Variants in VAV1 observed in about 807,000 individuals in gnomAD.
VAV1 encodes the protein vav guanine nucleotide exchange factor 1.
A neutral mutation model predicts 128.1 loss-of-function variants in VAV1; 33 were observed. That is an observed-to-expected ratio of 0.26 (90% confidence interval 0.20 to 0.34). The LOEUF is 0.34. Ranked by LOEUF, VAV1 falls within the 10% of genes least tolerant of loss-of-function variation. The pLI is 1.00. For synonymous variants in VAV1, 394 were observed against 409.8 expected, an observed-to-expected ratio of 0.96 and a Z score of 0.47; for missense variants, 715 against 1,093.7, an observed-to-expected ratio of 0.65 and a Z score of 4.88.
chr19:6,856,928 T>C, intron 26 of VAV1, 126 bp from the exon 27 acceptor site: 1 of 762,834 alleles, frequency 1.3e-6, no homozygotes, highest in Non-Finnish European at 2.3e-6. Context: ...TGATGTGTTT[T>C]CTGGGATAGA....
At chr19:6,851,486 A>G (rs769490230) in intron 24 of VAV1, among the ~76,000 whole-genome samples, 2 of 152,040 alleles carry the variant, frequency 1.3e-5, no homozygotes, top group South Asian at 2.1e-4. Flanking sequence ...TCAGCCCTCA[A>G]ATATGTTATA....
At position 6,828,520 on chromosome 19, in the gene VAV1, G is replaced by C; in HGVS notation, c.1092+33G>C. On this transcript the variant is annotated intron_variant, in intron 11 of 26. Coordinates refer to ENST00000602142, the MANE Select transcript of VAV1 (RefSeq NM_005428.4). The surrounding 1 kb of genome is among the most constrained non-coding windows in gnomAD (Gnocchi z 4.5). ...GGTGTAGGGTGCTGGTGACTCACCT[G>C]CTGCAGACACCCTCCTGGTAGGGGC... 6 of 1,613,958 alleles carry C rather than the reference G, an allele frequency of 3.7e-6. No individual in the cohort carries two copies. Among genetic ancestry groups the C allele is most frequent in the South Asian group, 1.1e-5 (1 of 91,082 alleles).
intron 20 of VAV1, 132 bp downstream of exon 20, chr19:6,836,700 C>T: frequency 7.2e-7 from 1 of 1,391,308 alleles, no homozygotes; most frequent in Non-Finnish European, 9.7e-7. Context: ...GGTAGGTAGA[C>T]TGAGACTTCT....
chr19:6,829,886 G>A lies in VAV1; in HGVS notation c.1366G>A (p.Asp456Asn). The change falls in exon 14 of 27, where the codon GAT (aspartate) becomes AAT (asparagine). Residue 456 changes from aspartate to asparagine, a missense_variant. This residue lies in a region of VAV1 where 407 missense variants were observed against 580.6 expected (regional missense o/e 0.70). Coordinates refer to ENST00000602142, the MANE Select transcript of VAV1 (RefSeq NM_005428.4). ...AAACCTGCACAGCTTCCAGGTTCGG[G>A]ATGACTCTTCAGGAGACCGAGACAA... ...FVNLHSFQVR[D>N]DSSGDRDNKK... 6.2e-7 allele frequency: 1 copy of A among 1,614,182 alleles called. No individual in the cohort carries two copies. Among genetic ancestry groups the A allele is most frequent in the Non-Finnish European group, 8.5e-7 (1 of 1,180,042 alleles).
At chr19:6,833,353 C>G (rs1282541160) in intron 16 of VAV1, 68 bp downstream of exon 16, 14 of 1,499,806 alleles carry the variant, frequency 9.3e-6, no homozygotes, top group Middle Eastern at 1.8e-4. Flanking sequence ...AGAAGATGGC[C>G]TAGTAATTGG....
chr19:6,776,162 ATCCATCC>A (rs1970621044), intron 1 of VAV1, among the ~76,000 whole-genome samples: 1 of 2,038 alleles, frequency 4.9e-4, no homozygotes, highest in South Asian at 0.045. Context: ...CTATCCACCC[ATCCATCC>A]ATCCATCCAT....
At chr19:6,795,123 C>T (rs1971101957) in intron 1 of VAV1, among the ~76,000 whole-genome samples, 1 of 152,160 alleles carries the variant, frequency 6.6e-6, no homozygotes, top group South Asian at 2.1e-4. Flanking sequence ...GGAAATCACG[C>T]AGTGTCACTT....
At chr19:6,785,801 A>G (rs1970879098) in intron 1 of VAV1, among the ~76,000 whole-genome samples, 1 of 151,680 alleles carries the variant, frequency 6.6e-6, no homozygotes, top group African/African-American at 2.4e-5. Flanking sequence ...CCAGGATTAT[A>G]GGGACGCACC....
chr19:6,832,335 A>G (rs537489629), intron 15 of VAV1, 135 bp downstream of exon 15: 2 of 815,490 alleles, frequency 2.5e-6, no homozygotes, highest in East Asian at 5.4e-5. Context: ...TTTGGGAAAT[A>G]AGAGGGACAG....
chr19:6,807,365 G>A (rs570161139), intron 1 of VAV1, among the ~76,000 whole-genome samples: 20 of 152,016 alleles, frequency 1.3e-4, no homozygotes, highest in African/African-American at 3.9e-4. Context: ...GATAAGGAGC[G>A]CACAAGGTAG....
At chr19:6,855,373 G>A (rs1417796475) in intron 26 of VAV1, among the ~76,000 whole-genome samples, 1 of 152,052 alleles carries the variant, frequency 6.6e-6, no homozygotes, top group East Asian at 1.9e-4. Context: ...GGATGTAAAG[G>A]ATTCATCCAT....
At chr19:6,855,281 A>G (rs1972762965) in intron 26 of VAV1, among the ~76,000 whole-genome samples, 1 of 152,244 alleles carries the variant, frequency 6.6e-6, no homozygotes, top group Admixed American at 6.5e-5. Flanking sequence ...GAGTTTTGTT[A>G]AAACATTGGA....
At chr19:6,784,803 T>C (rs942695277) in intron 1 of VAV1, among the ~76,000 whole-genome samples, 3 of 151,990 alleles carry the variant, frequency 2.0e-5, no homozygotes, top group African/African-American at 7.2e-5. Context: ...CTCCATTCTA[T>C]TCTATTCACT....
intron 22 of VAV1, among the ~76,000 whole-genome samples, chr19:6,844,405 C>T (rs995889029): frequency 4.6e-5 from 7 of 152,012 alleles, no homozygotes; most frequent in Admixed American, 6.6e-5. Context: ...TCAGTAAAGA[C>T]AGAGTTTCAC....
intron 1 of VAV1, among the ~76,000 whole-genome samples, chr19:6,780,031 A>C (rs1970732119): frequency 6.7e-6 from 1 of 148,394 alleles, no homozygotes; most frequent in Non-Finnish European, 1.5e-5. Flanking sequence ...GAATGGCATG[A>C]ACCTGGGAGG....
intron 21 of VAV1, among the ~76,000 whole-genome samples, chr19:6,842,760 G>A (rs117937370): frequency 2.1e-3 from 318 of 152,204 alleles, no homozygotes; most frequent in Admixed American, 3.4e-3. Context: ...CTTGAACCTG[G>A]GAGATCGAGG....
chr19:6,805,947 T>G (rs1250996572), intron 1 of VAV1, among the ~76,000 whole-genome samples: 1 of 152,076 alleles, frequency 6.6e-6, no homozygotes, highest in East Asian at 1.9e-4. Flanking sequence ...TTCCCTCAAC[T>G]TCCTCCCGTC....
At chr19:6,844,271 C>A (rs112230375) in intron 22 of VAV1, among the ~76,000 whole-genome samples, 1 of 151,190 alleles carries the variant, frequency 6.6e-6, no homozygotes. Flanking sequence ...CAGGCTGGAG[C>A]GCAATGGCGT....
intron 24 of VAV1, among the ~76,000 whole-genome samples, chr19:6,852,164 C>T (rs1972685220): frequency 6.6e-6 from 1 of 152,142 alleles, no homozygotes; most frequent in Non-Finnish European, 1.5e-5. Flanking sequence ...CAGGCATGCA[C>T]TGTCATGCCT....
Sources: allele counts gnomAD v4.1 joint callset (sites outside exome capture counted in the v4.1 genomes callset), GRCh38; gene constraint gnomAD v4.1.1; regional missense constraint gnomAD v4.1.1; non-coding constraint Gnocchi (gnomAD v3.1); transcripts MANE v1.5; gene names NCBI Gene and HGNC (gene_info 2026-07-23, HGNC 2026-07-21).